The following MBNL2 variants were observed in gnomAD, a reference collection of about 807,000 sequenced individuals.
MBNL2 encodes muscleblind-like protein 2.
In MBNL2, 17 loss-of-function variants were observed where a neutral mutation model predicts 41.9. The ratio of observed to expected loss-of-function variants is 0.41; its 90% CI spans 0.28 to 0.61. MBNL2 has a LOEUF of 0.61. Among genes scored for constraint, MBNL2 ranks in the 20% least tolerant of loss-of-function variants. MBNL2 has a pLI of 0.35. For synonymous variants in MBNL2, 195 were observed against 182.9 expected (o/e 1.07, Z -0.53); for missense variants, 336 against 505.6 (o/e 0.66, Z 3.22).
intron 1 of MBNL2, among the ~76,000 whole-genome samples, chr13:97,236,034 G>C (rs1299061440): frequency 6.6e-6 from 1 of 152,150 alleles, no homozygotes; most frequent in African/African-American, 2.4e-5. Context: ...GGTGGAGAAG[G>C]GCGATTGTGT....
At chr13:97,278,190 G>A (rs200023280) in intron 2 of MBNL2, among the ~76,000 whole-genome samples, 2 of 146,502 alleles carry the variant, frequency 1.4e-5, no homozygotes, top group East Asian at 4.0e-4. Flanking sequence ...GGAGGCAGAG[G>A]TTGCAGTGAG....
At chr13:97,312,168 G>C (rs1477485991) in intron 2 of MBNL2, among the ~76,000 whole-genome samples, 2 of 152,198 alleles carry the variant, frequency 1.3e-5, no homozygotes, top group African/African-American at 4.8e-5. Context: ...CATGTCAACA[G>C]TTGCTCCAGC....
At chr13:97,304,153 T>C (rs1366411820) in intron 2 of MBNL2, among the ~76,000 whole-genome samples, 1 of 152,230 alleles carries the variant, frequency 6.6e-6, no homozygotes, top group Non-Finnish European at 1.5e-5. Context: ...TATTGGTTTA[T>C]ATTTTCAATA....
Position 97,347,035 on chromosome 13 carries a change from G to T in MBNL2, c.772G>T (p.Ala258Ser). 1 of 1,609,698 alleles carries T rather than the reference G, an allele frequency of 6.2e-7. No homozygotes were observed. The highest frequency in any genetic ancestry group is 8.5e-7 in the Non-Finnish European group (1 of 1,178,148). ...QHQANQAAVA[A>S]QAAAAAATVM... Reference sequence around the variant, plus strand: ...CCAAGCCAACCAAGCTGCGGTGGCCGCCCAGGCAGCCGCGGCCGCGGCCAC... The same window carrying T: ...CCAAGCCAACCAAGCTGCGGTGGCCTCCCAGGCAGCCGCGGCCGCGGCCAC... Residue 258 changes from alanine to serine, a missense_variant, in exon 5 of 9, where the codon GCC (alanine) becomes TCC (serine). Ala to Ser is a moderately conservative substitution (Grantham distance 99). Transcript: ENST00000679496.
At chr13:97,363,648 A>G (rs1016321072) in intron 7 of MBNL2, among the ~76,000 whole-genome samples, 6 of 152,164 alleles carry the variant, frequency 3.9e-5, no homozygotes, top group Admixed American at 1.3e-4. Flanking sequence ...GCCAAATTGA[A>G]GAGGAATGAA....
At chr13:97,155,504 T>G in the MBNL2 span, among the ~76,000 whole-genome samples, 1 of 150,840 alleles carries the variant, frequency 6.6e-6, no homozygotes, top group Non-Finnish European at 1.5e-5. Flanking sequence ...CACTAACTCG[T>G]CATCTAGCAT....
intron 5 of MBNL2, 101 bp from the exon 6 acceptor site, chr13:97,356,695 C>T (rs1017604693): frequency 5.9e-6 from 3 of 509,190 alleles, no homozygotes; most frequent in Admixed American, 2.5e-5. Context: ...AATGCAATGC[C>T]GTTCCCATGA....
In MBNL2 at chr13:97,257,274, T is replaced by C. The variant is rs575254661; in HGVS notation, c.-604-18358T>C. Among the ~76,000 whole-genome samples the C allele has an allele frequency of 8.5e-5, 13 of 152,152 alleles. No individual in the cohort carries two copies. The South Asian group carries it at 2.7e-3, about 32-fold the overall frequency. On this transcript the variant is annotated intron_variant, in intron 1 of 8. Transcript: ENST00000679496. ...GGAACAAGGAGCAGGAGAAGAGCAA[T>C]TGAAGCCTGCACGTAGGAACTCAGA...
intron 2 of MBNL2, among the ~76,000 whole-genome samples, chr13:97,298,356 T>G (rs1283031015): frequency 6.6e-6 from 1 of 152,202 alleles, no homozygotes; most frequent in Non-Finnish European, 1.5e-5. Flanking sequence ...GTGTCTGTCT[T>G]CCTTCTCTCC....
At chr13:97,215,614 G>T in the MBNL2 span, among the ~76,000 whole-genome samples, 1 of 152,312 alleles carries the variant, frequency 6.6e-6, no homozygotes, top group South Asian at 2.1e-4. Context: ...AAACTAATTC[G>T]AGTTAAGCAT....
At chr13:97,143,918 A>G in the MBNL2 span, among the ~76,000 whole-genome samples, 1 of 152,190 alleles carries the variant, frequency 6.6e-6, no homozygotes, top group African/African-American at 2.4e-5. Context: ...ATCTCCTCTC[A>G]CTGCAATCTC....
Position 97,357,581 on chromosome 13 carries a change from C to T in MBNL2, c.958C>T (p.Gln320Ter). 6.2e-7 allele frequency: 1 copy of T among 1,614,004 alleles called. No individual in the cohort carries two copies. Among genetic ancestry groups the T allele is most frequent in the East Asian group, 2.2e-5 (1 of 44,882 alleles). ...AVFNPSVLHYQQALTSAQLQQ... is the reference protein window; with the variant it reads ...AVFNPSVLHY ...CTTTAACCCCAGCGTCTTGCACTAC[C>T]AGCAGGCTCTCACCAGCGCACAGTT... The change falls in exon 7 of 9, where the codon CAG (glutamine) becomes TAG (stop). Residue 320 changes from glutamine to a stop codon, truncating the protein, a stop_gained. Transcript: ENST00000679496. LOFTEE classifies it high-confidence loss of function.
chr13:97,149,237 A>G, the MBNL2 span, among the ~76,000 whole-genome samples: 2 of 152,190 alleles, frequency 1.3e-5, no homozygotes, highest in Non-Finnish European at 2.9e-5. Flanking sequence ...TGATTAAATG[A>G]TGATATGTTC....
chr13:97,380,403 A>ACAAT (rs2065330128), intron 8 of MBNL2, among the ~76,000 whole-genome samples: 1 of 152,134 alleles, frequency 6.6e-6, no homozygotes. Flanking sequence ...CTGAGACAGG[A>ACAAT]CAATCGCTTG....
Position 97,334,545 on chromosome 13 carries a change from C to T in MBNL2, c.339+105C>T. 1 of 711,836 alleles carries T rather than the reference C, an allele frequency of 1.4e-6. No homozygotes were observed. Among genetic ancestry groups the T allele is most frequent in the South Asian group, 2.8e-5 (1 of 35,474 alleles). 44.1% of individuals were successfully genotyped at this position (711,836 alleles called of 1,614,324 possible). A position where few individuals can be genotyped will look rare whatever the true frequency, so the allele number is the denominator to read the frequency against. On this transcript the variant is annotated intron_variant, in intron 3 of 8. Transcript: ENST00000679496. The surrounding 1 kb of genome is among the most constrained non-coding windows in gnomAD (Gnocchi z 5.3). ...TCTCTCCACTTTGTCACTTTGGTTA[C>T]AATTAAAGCAAATAGCTTTAAAGCT...
At chr13:97,376,689 A>G (rs766684443) in intron 8 of MBNL2, among the ~76,000 whole-genome samples, 3 of 152,214 alleles carry the variant, frequency 2.0e-5, no homozygotes, top group Admixed American at 6.5e-5. Context: ...AATGTTGCCC[A>G]TTTTCCCCTG....
chr13:97,227,257 G>A (rs2041783339), intron 1 of MBNL2, among the ~76,000 whole-genome samples: 1 of 152,086 alleles, frequency 6.6e-6, no homozygotes, highest in Admixed American at 6.5e-5. Flanking sequence ...TCAGGCATGG[G>A]TCTTGGCAGA....
chr13:97,163,807 A>C, the MBNL2 span, among the ~76,000 whole-genome samples: 1 of 152,008 alleles, frequency 6.6e-6, no homozygotes, highest in African/African-American at 2.4e-5. Flanking sequence ...CTTATAAGAA[A>C]AAGGGAAATT....
At chr13:97,181,099 C>A in the MBNL2 span, among the ~76,000 whole-genome samples, 1 of 151,960 alleles carries the variant, frequency 6.6e-6, no homozygotes, top group South Asian at 2.1e-4. Context: ...CTCTCTCCCC[C>A]CCACCTTCTC....
Sources: allele counts gnomAD v4.1 joint callset (sites outside exome capture counted in the v4.1 genomes callset), GRCh38; gene constraint gnomAD v4.1.1; non-coding constraint Gnocchi (gnomAD v3.1); transcripts MANE v1.5; gene names NCBI Gene and HGNC (gene_info 2026-07-23, HGNC 2026-07-21).